The following ADGRV1 variants were observed in gnomAD, a reference collection of about 807,000 sequenced individuals.
The protein encoded by ADGRV1 is G-protein coupled receptor 98.
A neutral mutation model predicts 596.2 loss-of-function variants in ADGRV1; 359 were observed. The observed-to-expected ratio is 0.60, with a 90% CI of 0.55 to 0.66. The LOEUF is 0.66. Ranked by LOEUF, ADGRV1 falls within the 30% of genes least tolerant of loss-of-function variation. The pLI is 0.00. For missense variants in ADGRV1, 7,274 were observed against 7,575.6 expected (o/e 0.96, Z 1.48); for synonymous variants, 2,681 against 2,679.2 (o/e 1.00, Z -0.02).
chr5:90,781,653 T>TA (rs1487365189), intron 65 of ADGRV1, 75 bp downstream of exon 65: 3 of 1,418,934 alleles, frequency 2.1e-6, no homozygotes, highest in Non-Finnish European at 2.9e-6. Context: ...TTTCCGTGTG[T>TA]AAATTGTTTT....
chr5:90,971,513 C>G (rs950795627), intron 84 of ADGRV1, among the ~76,000 whole-genome samples: 1 of 152,222 alleles, frequency 6.6e-6, no homozygotes, highest in Non-Finnish European at 1.5e-5. Flanking sequence ...TCCGCAGAAA[C>G]TCTACAAGCC....
At chr5:91,055,249 AATATAT>A (rs151160703) in intron 85 of ADGRV1, among the ~76,000 whole-genome samples, 2 of 147,170 alleles carry the variant, frequency 1.4e-5, no homozygotes, top group African/African-American at 5.0e-5. Flanking sequence ...TGCTGTTGCA[AATATAT>A]ATATATATAT....
chr5:90,693,501 G>A (rs902598256), intron 32 of ADGRV1, among the ~76,000 whole-genome samples: 6 of 151,744 alleles, frequency 4.0e-5, no homozygotes, highest in African/African-American at 1.5e-4. Flanking sequence ...ATCCACAGAT[G>A]TAGAACCTGT....
At chr5:90,961,507 A>AAAAAG (rs1554178779) in intron 83 of ADGRV1, among the ~76,000 whole-genome samples, 1 of 82,024 alleles carries the variant, frequency 1.2e-5, no homozygotes, top group Non-Finnish European at 2.2e-5. Flanking sequence ...AAAAAAAAAA[A>AAAAAG]GGGGGGGTGG....
At chr5:90,801,139 G>A (rs182467462) in intron 70 of ADGRV1, among the ~76,000 whole-genome samples, 44 of 152,246 alleles carry the variant, frequency 2.9e-4, no homozygotes, top group Non-Finnish European at 4.6e-4. Flanking sequence ...CTTGGATTAC[G>A]GAAATGGAAG....
chr5:90,727,997 G>A (rs888306532), intron 48 of ADGRV1, among the ~76,000 whole-genome samples: 1 of 152,068 alleles, frequency 6.6e-6, no homozygotes, highest in African/African-American at 2.4e-5. Context: ...TTATTGATAT[G>A]TTTCTTGTTT....
At chr5:90,605,640 T>G (rs73179764) in intron 1 of ADGRV1, among the ~76,000 whole-genome samples, 2,880 of 152,220 alleles carry the variant, frequency 0.019, 82 homozygotes, top group African/African-American at 0.065. Context: ...TGTAGGTACA[T>G]TTTTTGAAAG....
intron 85 of ADGRV1, among the ~76,000 whole-genome samples, chr5:91,057,402 AT>A (rs1786984273): frequency 6.6e-6 from 1 of 152,262 alleles, no homozygotes; most frequent in East Asian, 1.9e-4. Flanking sequence ...ACTTAAGAAT[AT>A]CAGTCAAAAA....
chr5:91,080,172 T>C (rs894328916), intron 86 of ADGRV1, among the ~76,000 whole-genome samples: 3 of 152,198 alleles, frequency 2.0e-5, no homozygotes, highest in Admixed American at 1.3e-4. Context: ...TGAATATTTA[T>C]CATTTCAATG....
intron 2 of ADGRV1, chr5:90,617,360 A>G (rs1206388310): frequency 6.7e-6 from 1 of 150,364 alleles, no homozygotes; most frequent in Non-Finnish European, 1.5e-5. Context: ...TTCAGGCTGG[A>G]GTGTAGTGGT....
At chr5:90,620,779 G>A (rs1255992133) in intron 4 of ADGRV1, among the ~76,000 whole-genome samples, 1 of 152,138 alleles carries the variant, frequency 6.6e-6, no homozygotes, top group Admixed American at 6.5e-5. Context: ...TTTGTATAAG[G>A]TGTAAGGAAG....
rs750081437 is a variant in ADGRV1, at chr5:90,694,484, C to T, written c.7728C>T (p.Ala2576=). ...TTGTCATAGCACTAAATGGTGATGC[C>T]TTTGGAGTGTTTGTGATCTACAATA... ...STVVIALNGD[A]FGVFVIYNIS... is the part of the protein sequence containing the mutation. Residue 2576 remains alanine (A), a synonymous_variant, in exon 33 of 90, where the codon GCC becomes GCT. Transcript: ENST00000405460. 6.8e-6 allele frequency: 11 copies of T among 1,613,784 alleles called. No homozygotes were observed. In the East Asian group the frequency reaches 2.2e-4, roughly 33 times the overall value.
At chr5:90,836,449 CT>C (rs1228770778) in intron 77 of ADGRV1, among the ~76,000 whole-genome samples, 3 of 151,290 alleles carry the variant, frequency 2.0e-5, no homozygotes, top group Non-Finnish European at 2.9e-5. Context: ...TATAATCATA[CT>C]AAGTAAAAAA....
Position 90,788,173 on chromosome 5 carries a change from G to A in ADGRV1, c.13756G>A (p.Glu4586Lys). ...CGGGTTGTTCTATTTTGGAGAAGGA[G>A]AAGGAGGAGTGAGAACCATAATTCT... is the stretch of plus-strand genomic sequence containing the variant. ...VSGLFYFGEG[E>K]GGVRTIILTI... Residue 4586 changes from glutamate (E) to lysine (K), a missense_variant, in exon 68 of 90, where the codon GAA (glutamate) becomes AAA (lysine). Glu to Lys is a moderately conservative substitution (Grantham distance 56). Around this residue, in one of 5 missense-constraint regions of ADGRV1, gnomAD observed 3,643 missense variants for 3,809.2 expected, o/e 0.96. Coordinates refer to ENST00000405460, the MANE Select transcript of ADGRV1 (RefSeq NM_032119.4). The A allele has an allele frequency of 2.5e-6, 4 of 1,613,890 alleles. No individual in the cohort carries two copies. Among genetic ancestry groups the A allele is most frequent in the South Asian group, 1.1e-5 (1 of 91,074 alleles).
At chr5:91,036,100 C>T (rs993809144) in intron 85 of ADGRV1, among the ~76,000 whole-genome samples, 1 of 126,960 alleles carries the variant, frequency 7.9e-6, no homozygotes, top group African/African-American at 2.8e-5. Flanking sequence ...AATGAATTCA[C>T]AATATACTTC....
chr5:90,735,160 G>A (rs567410322), intron 50 of ADGRV1, among the ~76,000 whole-genome samples: 3 of 152,248 alleles, frequency 2.0e-5, no homozygotes, highest in African/African-American at 7.2e-5. Context: ...ATAACTTAAG[G>A]TCTTTAATTT....
intron 87 of ADGRV1, among the ~76,000 whole-genome samples, chr5:91,118,005 T>C (rs1793001559): frequency 6.6e-6 from 1 of 152,188 alleles, no homozygotes; most frequent in African/African-American, 2.4e-5. Flanking sequence ...TGGTGGTTGC[T>C]ATCTAGTGTT....
chr5:90,894,266 C>CT, intron 83 of ADGRV1, among the ~76,000 whole-genome samples: 1 of 152,154 alleles, frequency 6.6e-6, no homozygotes, highest in Non-Finnish European at 1.5e-5. Flanking sequence ...ATTCTCAAAC[C>CT]TTTTTCCAGC....
At chr5:90,889,133 AT>A (rs1770566406) in intron 83 of ADGRV1, among the ~76,000 whole-genome samples, 1 of 152,104 alleles carries the variant, frequency 6.6e-6, no homozygotes, top group Admixed American at 6.6e-5. Flanking sequence ...AAGAGCTAAC[AT>A]TAAGAGTAAT....
Sources: gnomAD v4.1 joint callset for allele counts (sites outside exome capture counted in the v4.1 genomes callset) on GRCh38, gnomAD v4.1.1 for gene constraint, gnomAD v4.1.1 regional missense constraint, MANE v1.5 for transcripts, NCBI Gene and HGNC (gene_info 2026-07-23, HGNC 2026-07-21) for gene names.